The following PARD3B variants were observed in gnomAD, a reference collection of about 807,000 sequenced individuals.
PARD3B encodes par-3 family cell polarity regulator beta.
In PARD3B, 103 loss-of-function variants were observed where a neutral mutation model predicts 130.2. The ratio of observed to expected loss-of-function variants is 0.79; its 90% CI spans 0.67 to 0.93. The LOEUF is 0.93. Ranked by LOEUF, PARD3B falls within the 40% of genes least tolerant of loss-of-function variation. The pLI, the probability that PARD3B is intolerant of heterozygous loss-of-function variation, is 0.00. For missense variants in PARD3B, 1,609 were observed against 1,499.2 expected (o/e 1.07, Z -1.21); for synonymous variants, 583 against 553.2 (o/e 1.05, Z -0.76).
chr2:205,479,142 A>G (rs7573626), intron 20 of PARD3B, among the ~76,000 whole-genome samples: 38,610 of 152,146 alleles, frequency 0.25, 10,038 homozygotes, highest in African/African-American at 0.67. Flanking sequence ...TTATGTCCCT[A>G]GGAAAGAAAA....
At chr2:205,491,629 A>G (rs907764137) in intron 20 of PARD3B, among the ~76,000 whole-genome samples, 1 of 152,060 alleles carries the variant, frequency 6.6e-6, no homozygotes, top group Admixed American at 6.6e-5. Context: ...TTTATGCTCC[A>G]CCACTATGGC....
chr2:205,007,986 C>T (rs143377323), intron 3 of PARD3B, among the ~76,000 whole-genome samples: 309 of 152,212 alleles, frequency 2.0e-3, no homozygotes, highest in African/African-American at 6.8e-3. Context: ...GTTTGATTCT[C>T]AGCTTGGTTG....
intron 1 of PARD3B, among the ~76,000 whole-genome samples, chr2:204,679,977 A>AT (rs1323497365): frequency 6.6e-6 from 1 of 151,928 alleles, no homozygotes; most frequent in Non-Finnish European, 1.5e-5. Context: ...ACATATGTAG[A>AT]TTTTTACCTA....
At chr2:204,829,698 G>C (rs1443977835) in intron 2 of PARD3B, among the ~76,000 whole-genome samples, 3 of 152,100 alleles carry the variant, frequency 2.0e-5, no homozygotes, top group Non-Finnish European at 2.9e-5. Flanking sequence ...AGATGTGGTT[G>C]TTTAAAAATG....
intron 15 of PARD3B, among the ~76,000 whole-genome samples, chr2:205,201,132 G>A (rs2036965217): frequency 6.6e-6 from 1 of 152,154 alleles, no homozygotes; most frequent in African/African-American, 2.4e-5. Context: ...ACCATGTTTA[G>A]TAAAAAACAG....
rs1447199542 is a variant in PARD3B at position 205,229,713 on chromosome 2, G to T, written c.2141-16065G>T. On this transcript the variant is annotated intron_variant, in intron 15 of 22. Transcript: ENST00000406610. The surrounding 1 kb of genome is among the most constrained non-coding windows in gnomAD (Gnocchi z 5.2). ...CACTAGAGCTCCGCAATAAGCAGGT[G>T]GTAAAGCCACCCAGGCTTGTGTCCT... Among the ~76,000 whole-genome samples, 1 of 152,088 alleles carries T rather than the reference G, an allele frequency of 6.6e-6. No homozygotes were observed. Among genetic ancestry groups the T allele is most frequent in the South Asian group, 2.1e-4 (1 of 4,818 alleles).
At chr2:205,508,300 G>GGGT (rs2050453182) in intron 21 of PARD3B, among the ~76,000 whole-genome samples, 1 of 152,136 alleles carries the variant, frequency 6.6e-6, no homozygotes, top group Non-Finnish European at 1.5e-5. Flanking sequence ...AGGCCAGGAG[G>GGGT]GGTGGCCCAT....
intron 21 of PARD3B, among the ~76,000 whole-genome samples, chr2:205,506,317 G>C (rs552193474): frequency 6.8e-6 from 1 of 146,242 alleles, no homozygotes; most frequent in Non-Finnish European, 1.5e-5. Context: ...TGGTGACAGA[G>C]TGAGACTCTG....
chr2:204,817,827 G>A (rs181391995), intron 2 of PARD3B, among the ~76,000 whole-genome samples: 6 of 152,214 alleles, frequency 3.9e-5, no homozygotes, highest in African/African-American at 9.6e-5. Flanking sequence ...AGAGCTCACC[G>A]TGTTTGTTTC....
chr2:205,471,254 T>C (rs780741173), intron 20 of PARD3B, among the ~76,000 whole-genome samples: 1 of 152,156 alleles, frequency 6.6e-6, no homozygotes, highest in Non-Finnish European at 1.5e-5. Flanking sequence ...TTTTTCATAT[T>C]GATATATCTA....
intron 18 of PARD3B, among the ~76,000 whole-genome samples, chr2:205,379,474 G>A (rs1398427664): frequency 6.6e-6 from 1 of 151,228 alleles, no homozygotes; most frequent in East Asian, 1.9e-4. Flanking sequence ...TTATATTTGG[G>A]GTTTTTTTTA....
intron 2 of PARD3B, among the ~76,000 whole-genome samples, chr2:204,940,815 A>G (rs1266017370): frequency 2.0e-5 from 3 of 152,072 alleles, no homozygotes; most frequent in Non-Finnish European, 2.9e-5. Context: ...CCCCTGCTCT[A>G]TTTTCAAGCC....
chr2:205,491,938 A>T (rs1374101026), intron 20 of PARD3B, among the ~76,000 whole-genome samples: 1 of 152,176 alleles, frequency 6.6e-6, no homozygotes, highest in Admixed American at 6.6e-5. Context: ...GTTCAGGATT[A>T]TAGTCTGAGC....
chr2:204,749,792 C>T (rs1002690506), intron 2 of PARD3B, among the ~76,000 whole-genome samples: 2 of 152,124 alleles, frequency 1.3e-5, no homozygotes, highest in African/African-American at 4.8e-5. Flanking sequence ...AAGGAAGTTT[C>T]AGAACATCAA....
intron 19 of PARD3B, among the ~76,000 whole-genome samples, chr2:205,433,299 A>G (rs1055873614): frequency 2.0e-5 from 3 of 152,150 alleles, no homozygotes; most frequent in African/African-American, 7.2e-5. Flanking sequence ...TTGGGAGGCC[A>G]AGGCAGGTGG....
intron 14 of PARD3B, among the ~76,000 whole-genome samples, chr2:205,189,092 T>C (rs914342550): frequency 6.6e-6 from 1 of 152,186 alleles, no homozygotes; most frequent in Non-Finnish European, 1.5e-5. Context: ...ATATATCGAA[T>C]ATTATTAACA....
intron 2 of PARD3B, among the ~76,000 whole-genome samples, chr2:204,772,288 G>T (rs1574944714): frequency 6.6e-6 from 1 of 152,030 alleles, no homozygotes; most frequent in Admixed American, 6.6e-5. Flanking sequence ...TCCTGAAAGA[G>T]TTAAGGTTTT....
At chr2:205,548,185 G>A (rs2052460007) in intron 21 of PARD3B, among the ~76,000 whole-genome samples, 1 of 152,000 alleles carries the variant, frequency 6.6e-6, no homozygotes, top group South Asian at 2.1e-4. Flanking sequence ...CTTCTCATTT[G>A]TCTTTTCTTT....
chr2:204,850,500 GTA>G (rs962918465), intron 2 of PARD3B, among the ~76,000 whole-genome samples: 1 of 151,594 alleles, frequency 6.6e-6, no homozygotes, highest in African/African-American at 2.4e-5. Context: ...ATAGATATAT[GTA>G]TATATATATG....
Sources: gnomAD v4.1 joint callset for allele counts (sites outside exome capture counted in the v4.1 genomes callset) on GRCh38, gnomAD v4.1.1 for gene constraint, Gnocchi (gnomAD v3.1) non-coding constraint, MANE v1.5 for transcripts, NCBI Gene and HGNC (gene_info 2026-07-23, HGNC 2026-07-21) for gene names.